The following GDPD5 variants were observed in gnomAD, a reference collection of about 807,000 sequenced individuals.
GDPD5 encodes glycerophosphodiester phosphodiesterase domain containing 5, also known as glycerophosphodiester phosphodiesterase 2.
GDPD5 carries 48 observed loss-of-function variants against 75.1 expected under a neutral mutation model. The ratio of observed to expected loss-of-function variants is 0.64; its 90% CI spans 0.51 to 0.81. GDPD5 has a LOEUF of 0.81. Among genes scored for constraint, GDPD5 ranks in the 40% least tolerant of loss-of-function variants. The probability of loss-of-function intolerance (pLI) is 0.00; values close to 1 mark genes in which losing one functional copy is unlikely to be tolerated. For missense variants in GDPD5, 706 were observed against 822.6 expected (o/e 0.86, Z 1.73); for synonymous variants, 336 against 339.0 (o/e 0.99, Z 0.10).
At chr11:75,478,005 C>T (rs570842878) in intron 2 of GDPD5, among the ~76,000 whole-genome samples, 1 of 152,324 alleles carries the variant, frequency 6.6e-6, no homozygotes, top group African/African-American at 2.4e-5. Flanking sequence ...CTCCCTACTC[C>T]TTCCCCTCCA....
At chr11:75,511,785 C>T (rs1178222864) in intron 1 of GDPD5, among the ~76,000 whole-genome samples, 2 of 152,174 alleles carry the variant, frequency 1.3e-5, no homozygotes, top group Non-Finnish European at 2.9e-5. Flanking sequence ...CCAAACGTAG[C>T]GCAAAGGAGG....
chr11:75,442,068 C>G (rs1948831753), intron 12 of GDPD5, among the ~76,000 whole-genome samples: 1 of 152,254 alleles, frequency 6.6e-6, no homozygotes, highest in African/African-American at 2.4e-5. Context: ...CCACTAGCAC[C>G]TAGTGTGCCG....
chr11:75,506,826 C>G (rs971595366), intron 1 of GDPD5: 2 of 152,146 alleles, frequency 1.3e-5, no homozygotes, highest in African/African-American at 4.8e-5. Flanking sequence ...GATTTGGGAA[C>G]TGAAAGAGTC....
At chr11:75,448,669 C>T in intron 9 of GDPD5, 1 of 1,104,014 alleles carries the variant, frequency 9.1e-7, no homozygotes, top group Non-Finnish European at 1.1e-6. Context: ...GACCCCAGGC[C>T]CCACACTCAG....
At chr11:75,505,941 C>G (rs1950388914) in intron 1 of GDPD5, among the ~76,000 whole-genome samples, 1 of 152,208 alleles carries the variant, frequency 6.6e-6, no homozygotes, top group African/African-American at 2.4e-5. Flanking sequence ...TTGCCTCTTT[C>G]CCCTGGCTCT....
chr11:75,445,039 A>G lies in GDPD5; in HGVS notation c.715-544T>C, dbSNP rs79513416. On this transcript the variant is annotated intron_variant, in intron 9 of 16. Transcript: ENST00000336898. ...GTTTCCTCATCTATATAAACATGAC[A>G]GCATTATTTCCCTCCCTGGACTGTT... Among the ~76,000 whole-genome samples, 1,440 of 152,270 alleles carry G rather than the reference A, an allele frequency of 9.5e-3. 21 individuals carry two copies. Among genetic ancestry groups the G allele is most frequent in the African/African-American group, 0.032 (1,319 of 41,552 alleles).
At chr11:75,458,681 T>TAAATAAATAAATAAATA (rs1949345817) in intron 4 of GDPD5, among the ~76,000 whole-genome samples, 1 of 151,186 alleles carries the variant, frequency 6.6e-6, no homozygotes, top group Admixed American at 6.6e-5. Flanking sequence ...CAAAAATAAA[T>TAAATAAATAAATAAATA]AAATAAATAA....
At chr11:75,440,022 A>T in intron 14 of GDPD5, 61 bp from the exon 15 acceptor site, 1 of 1,350,872 alleles carries the variant, frequency 7.4e-7, no homozygotes, top group Non-Finnish European at 1.0e-6. Context: ...GAGGCTCCAG[A>T]CTGAGGGTCC....
At position 75,435,671 on chromosome 11, in the gene GDPD5, G is replaced by A. The variant is rs752634222; in HGVS notation, c.1670-16C>T. On this transcript the variant is annotated splice_polypyrimidine_tract_variant and intron_variant, in intron 16 of 16. Transcript: ENST00000336898. ...TCGCTGATCTCTGCTGGGCCAGAGG[G>A]AGACAGAATGTGAGTCGGGGAGGAG... The A allele has an allele frequency of 6.3e-6, 10 of 1,581,766 alleles. No homozygotes were observed. Among genetic ancestry groups the A allele is most frequent in the African/African-American group, 1.3e-5 (1 of 74,326 alleles).
intron 1 of GDPD5, among the ~76,000 whole-genome samples, chr11:75,520,167 T>A (rs1783551): frequency 6.6e-6 from 1 of 152,120 alleles, no homozygotes; most frequent in African/African-American, 2.4e-5. Flanking sequence ...CTCCCTGCCA[T>A]CTGGCACGCC....
intron 15 of GDPD5, chr11:75,438,302 A>G (rs78804037): frequency 0.089 from 13,513 of 152,452 alleles, 1,114 homozygotes; most frequent in East Asian, 0.38. Flanking sequence ...ACAGGGAAAG[A>G]GTATCCTCCC....
chr11:75,454,730 A>G (rs1949247517), intron 6 of GDPD5, among the ~76,000 whole-genome samples: 1 of 152,260 alleles, frequency 6.6e-6, no homozygotes, highest in African/African-American at 2.4e-5. Flanking sequence ...TTTAAAGAAA[A>G]AAGAAAAAGG....
intron 4 of GDPD5, among the ~76,000 whole-genome samples, chr11:75,461,614 A>C (rs1280581723): frequency 6.6e-6 from 1 of 152,222 alleles, no homozygotes; most frequent in Non-Finnish European, 1.5e-5. Flanking sequence ...TCTCCTAGGA[A>C]GCAGCCCTCA....
At chr11:75,479,341 T>C (rs948187890) in intron 2 of GDPD5, 6 of 152,070 alleles carry the variant, frequency 3.9e-5, no homozygotes, top group Admixed American at 3.9e-4. Context: ...AGAAACTCAG[T>C]CATATGTTCT....
intron 1 of GDPD5, among the ~76,000 whole-genome samples, chr11:75,511,781 G>A (rs748709887): frequency 3.3e-4 from 51 of 152,320 alleles, no homozygotes; most frequent in Non-Finnish European, 5.6e-4. Context: ...GCCTCCAAAC[G>A]TAGCGCAAAG....
chr11:75,496,314 A>C (rs1018895755), intron 1 of GDPD5, among the ~76,000 whole-genome samples: 1 of 152,318 alleles, frequency 6.6e-6, no homozygotes, highest in East Asian at 1.9e-4. Context: ...TTCCTTGCCC[A>C]CTGCTCTTCC....
chr11:75,466,733 T>C (rs923721196), intron 3 of GDPD5, among the ~76,000 whole-genome samples: 3 of 152,182 alleles, frequency 2.0e-5, no homozygotes, highest in South Asian at 2.1e-4. Context: ...TCAATGTGCA[T>C]ATTATGACGA....
chr11:75,477,379 T>C (rs940349684), intron 3 of GDPD5, among the ~76,000 whole-genome samples: 4 of 152,226 alleles, frequency 2.6e-5, no homozygotes, highest in African/African-American at 4.8e-5. Context: ...GAGCCCAACC[T>C]CAACAATGTC....
chr11:75,455,472 A>T (rs1332763291), intron 6 of GDPD5: 1 of 421,282 alleles, frequency 2.4e-6, no homozygotes, highest in Non-Finnish European at 4.8e-6. Context: ...CCATGTAACA[A>T]ACCGGCCTCG....
Sources: allele counts gnomAD v4.1 joint callset (sites outside exome capture counted in the v4.1 genomes callset), GRCh38; gene constraint gnomAD v4.1.1; transcripts MANE v1.5; gene names NCBI Gene and HGNC (gene_info 2026-07-23, HGNC 2026-07-21).